TRPM3: variants seen among roughly 807,000 people sequenced by gnomAD.
TRPM3 encodes transient receptor potential cation channel subfamily M member 3.
Under a neutral mutation model 181.2 loss-of-function variants are expected in TRPM3, and 77 were observed. The observed-to-expected ratio is 0.42, with a 90% CI of 0.35 to 0.51. TRPM3 has a LOEUF of 0.51. TRPM3 is among the 20% of genes least tolerant of loss of function. The probability of loss-of-function intolerance (pLI) is 0.01; values close to 1 mark genes in which losing one functional copy is unlikely to be tolerated. For synonymous variants in TRPM3, 745 were observed against 796.4 expected (o/e 0.94, Z 1.09); for missense variants, 1,759 against 2,196.7 (o/e 0.80, Z 3.98).
rs772348058 is a variant in TRPM3, at chr9:71,035,796, G to A, written c.177+85382C>T. Among the ~76,000 whole-genome samples the A allele has an allele frequency of 2.6e-5, 4 of 152,016 alleles. No homozygotes were observed. In the East Asian group the frequency reaches 5.8e-4, roughly 22 times the overall value. On this transcript the variant is annotated intron_variant, in intron 1 of 25. Transcript: ENST00000677713. ...CAAACTTTTACTGGGACTTGCTGTA[G>A]TAAGGACCTCTCAGAAAAATTTCAC...
At chr9:71,442,687 T>C (rs2131681151) in intron 1 of TRPM3, among the ~76,000 whole-genome samples, 1 of 152,328 alleles carries the variant, frequency 6.6e-6, no homozygotes, top group South Asian at 2.1e-4. Context: ...TCTAAATTAT[T>C]TTTCTCTTTT....
intron 1 of TRPM3, among the ~76,000 whole-genome samples, chr9:71,441,540 G>T (rs1337646408): frequency 6.6e-6 from 1 of 151,792 alleles, no homozygotes; most frequent in Admixed American, 6.6e-5. Context: ...TTCTACGATA[G>T]CCACAAAGGA....
intron 1 of TRPM3, among the ~76,000 whole-genome samples, chr9:71,227,273 A>C (rs1277125701): frequency 6.6e-6 from 1 of 152,060 alleles, no homozygotes; most frequent in African/African-American, 2.4e-5. Context: ...CAAAGAGATT[A>C]AGAAAAAATT....
At chr9:71,065,020 G>C (rs1390401037) in intron 1 of TRPM3, among the ~76,000 whole-genome samples, 1 of 152,116 alleles carries the variant, frequency 6.6e-6, no homozygotes. Flanking sequence ...AATTAGAGGT[G>C]AATGTCTAGC....
intron 1 of TRPM3, among the ~76,000 whole-genome samples, chr9:70,920,796 C>A (rs1358958750): frequency 6.6e-6 from 1 of 152,118 alleles, no homozygotes; most frequent in Non-Finnish European, 1.5e-5. Context: ...ATCCTTATTT[C>A]TTATTTTAAC....
At chr9:71,109,473 A>G (rs2070538386) in intron 1 of TRPM3, among the ~76,000 whole-genome samples, 1 of 152,242 alleles carries the variant, frequency 6.6e-6, no homozygotes, top group Non-Finnish European at 1.5e-5. Context: ...AACGGAATTC[A>G]TATAAACTGC....
intron 1 of TRPM3, among the ~76,000 whole-genome samples, chr9:71,192,861 T>C (rs935481860): frequency 6.6e-6 from 1 of 151,836 alleles, no homozygotes; most frequent in Non-Finnish European, 1.5e-5. Context: ...TCCCCCTATG[T>C]TTTCTTCTAG....
chr9:71,372,430 C>A (rs2092545632), intron 1 of TRPM3, among the ~76,000 whole-genome samples: 1 of 152,160 alleles, frequency 6.6e-6, no homozygotes, highest in African/African-American at 2.4e-5. Context: ...AATAGCTGAA[C>A]TAATTTACAC....
chr9:71,184,951 A>G (rs2077593488), intron 1 of TRPM3, among the ~76,000 whole-genome samples: 1 of 152,140 alleles, frequency 6.6e-6, no homozygotes, highest in Admixed American at 6.6e-5. Context: ...ATAGAAACAC[A>G]TACACACACA....
chr9:70,615,159 C>G (rs1358776231), intron 18 of TRPM3, among the ~76,000 whole-genome samples: 2 of 152,180 alleles, frequency 1.3e-5, no homozygotes, highest in African/African-American at 4.8e-5. Context: ...GCTTCTGGGT[C>G]ACTACAGCAA....
At chr9:70,563,791 A>G (rs982227458) in intron 22 of TRPM3, among the ~76,000 whole-genome samples, 1 of 152,186 alleles carries the variant, frequency 6.6e-6, no homozygotes, top group Non-Finnish European at 1.5e-5. Flanking sequence ...GCAGGAGAGA[A>G]GTATAGAGAA....
At chr9:71,091,289 T>G (rs1234776616) in intron 1 of TRPM3, among the ~76,000 whole-genome samples, 1 of 152,166 alleles carries the variant, frequency 6.6e-6, no homozygotes, top group East Asian at 1.9e-4. Context: ...TCTATTTTTC[T>G]GCTACCCAAA....
intron 1 of TRPM3, among the ~76,000 whole-genome samples, chr9:70,977,366 C>T (rs999854169): frequency 6.6e-6 from 1 of 152,330 alleles, no homozygotes; most frequent in East Asian, 1.9e-4. Flanking sequence ...CATCTCCTGA[C>T]CTCGTGATCC....
Position 70,531,601 on chromosome 9 carries a change from C to T in TRPM3, c.*4352G>A, listed in dbSNP as rs116788473. 6.6e-6 allele frequency: 1 copy of T among 152,162 alleles called. No individual in the cohort carries two copies. The highest frequency in any genetic ancestry group is 1.5e-5 in the Non-Finnish European group (1 of 68,026). The allele number at this position is 152,162 out of a possible 1,614,324, so 9.4% of individuals were successfully genotyped here. On this transcript the variant is annotated 3_prime_UTR_variant, in exon 26 of 26. Transcript: ENST00000677713. ...TCTAGGCCAAATATATAACCACCTACACACTAGTATCACTTTATCTAGAAA... is the reference window on the plus strand; with the variant it reads ...TCTAGGCCAAATATATAACCACCTATACACTAGTATCACTTTATCTAGAAA...
intron 1 of TRPM3, among the ~76,000 whole-genome samples, chr9:71,199,319 T>C (rs924248947): frequency 2.0e-5 from 3 of 152,186 alleles, no homozygotes; most frequent in South Asian, 4.1e-4. Flanking sequence ...ATCAAGGATA[T>C]TGGTCTAAAA....
chr9:70,777,526 T>G (rs938642286), intron 7 of TRPM3, among the ~76,000 whole-genome samples: 2 of 152,152 alleles, frequency 1.3e-5, no homozygotes, highest in African/African-American at 4.8e-5. Flanking sequence ...GGAGCTACTC[T>G]AGCCTTATAG....
chr9:70,531,309 C>A lies in TRPM3; in HGVS notation c.*4644G>T, dbSNP rs1461104659. On this transcript the variant is annotated 3_prime_UTR_variant, in exon 26 of 26. Transcript: ENST00000677713. ...GTGCTTAAAAAAAAGATTTAAAAAT[C>A]CCTTGGTTACTTTTTTTTTGTTTTT... is the stretch of plus-strand genomic sequence containing the variant. The A allele has an allele frequency of 6.6e-6, 1 of 152,090 alleles. No homozygotes were observed. Among genetic ancestry groups the A allele is most frequent in the East Asian group, 1.9e-4 (1 of 5,194 alleles). 9.4% of individuals were successfully genotyped at this position (152,090 alleles called of 1,614,324 possible).
intron 1 of TRPM3, among the ~76,000 whole-genome samples, chr9:70,984,625 G>A (rs979396074): frequency 3.0e-4 from 46 of 152,222 alleles, no homozygotes; most frequent in African/African-American, 1.1e-3. Context: ...CAACAGGGGA[G>A]AAAGTGATGT....
intron 1 of TRPM3, among the ~76,000 whole-genome samples, chr9:70,901,525 T>C (rs1370208834): frequency 6.6e-6 from 1 of 152,162 alleles, no homozygotes; most frequent in Non-Finnish European, 1.5e-5. Flanking sequence ...GGTAAAACAT[T>C]TTATGGAATT....
Sources: gnomAD v4.1 joint callset for allele counts (sites outside exome capture counted in the v4.1 genomes callset) on GRCh38, gnomAD v4.1.1 for gene constraint, MANE v1.5 for transcripts, NCBI Gene and HGNC (gene_info 2026-07-23, HGNC 2026-07-21) for gene names.